Variants in SIN3A observed in about 807,000 individuals in gnomAD.
SIN3A encodes the protein SIN3 transcription regulator family member A, also known as paired amphipathic helix protein Sin3a.
In SIN3A, 14 loss-of-function variants were observed where a neutral mutation model predicts 146.1. The ratio of observed to expected loss-of-function variants is 0.10; its 90% CI spans 0.06 to 0.15. The LOEUF is 0.15. SIN3A is among the 10% of genes least tolerant of loss of function. The probability of loss-of-function intolerance (pLI) is 1.00; values close to 1 mark genes in which losing one functional copy is unlikely to be tolerated. For missense variants in SIN3A, 1,028 were observed against 1,576.0 expected (o/e 0.65, Z 5.89); for synonymous variants, 572 against 572.0 (o/e 1.00, Z 0.00).
intron 17 of SIN3A, among the ~76,000 whole-genome samples, chr15:75,383,106 C>CG (rs984942846): frequency 2.0e-5 from 3 of 148,476 alleles, no homozygotes; most frequent in South Asian, 2.1e-4. Flanking sequence ...GCCTCCATCT[C>CG]GGGAAAAAAA....
In SIN3A at chr15:75,371,422, A is replaced by G. The variant is rs1181168244; in HGVS notation, c.*557T>C. ...CCACAAGATGATCAATCCCAAAGCCAAACTGCAGGTCCCAGATAAAACCTA... is the reference window on the plus strand; with the variant it reads ...CCACAAGATGATCAATCCCAAAGCCGAACTGCAGGTCCCAGATAAAACCTA... On this transcript the variant is annotated 3_prime_UTR_variant, in exon 21 of 21. Transcript: ENST00000394947. 1 of 152,390 alleles carries G rather than the reference A, an allele frequency of 6.6e-6. No individual in the cohort carries two copies. Among genetic ancestry groups the G allele is most frequent in the East Asian group, 1.9e-4 (1 of 5,204 alleles). 9.4% of individuals were successfully genotyped at this position (152,390 alleles called of 1,614,324 possible).
At chr15:75,406,891 T>C (rs918762200) in intron 9 of SIN3A, among the ~76,000 whole-genome samples, 164 bp downstream of exon 9, 1 of 152,240 alleles carries the variant, frequency 6.6e-6, no homozygotes, top group Non-Finnish European at 1.5e-5. Flanking sequence ...CTAGCTATGC[T>C]AATAGTACTA....
chr15:75,452,415 C>A (rs2074425582), upstream of SIN3A, among the ~76,000 whole-genome samples: 1 of 152,188 alleles, frequency 6.6e-6, no homozygotes, highest in Non-Finnish European at 1.5e-5. Context: ...GAAAGGCAGC[C>A]CACCATGGAG....
chr15:75,408,058 CTT>C, intron 8 of SIN3A, among the ~76,000 whole-genome samples: 1 of 152,200 alleles, frequency 6.6e-6, no homozygotes, highest in East Asian at 1.9e-4. Context: ...AATGCACAAA[CTT>C]TGTGAGAAGT....
chr15:75,430,213 G>C lies in SIN3A; in HGVS notation c.163C>G (p.Gln55Glu). Reference sequence around the variant, plus strand: ...TGGTAGCTGGGTGTTACAGAGTACTGAATTCCCGTAGCTGACTGCATGGTC... The same window carrying C: ...TGGTAGCTGGGTGTTACAGAGTACTCAATTCCCGTAGCTGACTGCATGGTC... Reference protein sequence around the residue: ...SETMQSATGIQYSVTPSYQVS... With the variant: ...SETMQSATGIEYSVTPSYQVS... The change falls in exon 2 of 21, where the codon CAG (glutamine) becomes GAG (glutamate). Residue 55 changes from glutamine to glutamate, a missense_variant. Coordinates refer to ENST00000394947, the MANE Select transcript of SIN3A (RefSeq NM_001145358.2). 1 of 1,614,146 alleles carries C rather than the reference G, an allele frequency of 6.2e-7. No homozygotes were observed. Among genetic ancestry groups the C allele is most frequent in the Non-Finnish European group, 8.5e-7 (1 of 1,180,008 alleles).
intron 9 of SIN3A, among the ~76,000 whole-genome samples, chr15:75,402,410 G>A (rs1376856573): frequency 6.6e-6 from 1 of 151,742 alleles, no homozygotes. Context: ...TACTTGGGTG[G>A]CTGAGTGAAA....
At chr15:75,384,843 G>A (rs924401512) in intron 16 of SIN3A, among the ~76,000 whole-genome samples, 3 of 152,126 alleles carry the variant, frequency 2.0e-5, no homozygotes, top group African/African-American at 7.2e-5. Flanking sequence ...CCCTGGGAAG[G>A]CAAGCTAGAC....
At chr15:75,451,034 A>T (rs1595936640) in intron 1 of SIN3A, among the ~76,000 whole-genome samples, 2 of 99,396 alleles carry the variant, frequency 2.0e-5, no homozygotes, top group Non-Finnish European at 4.1e-5. Context: ...CCCCTCCCCG[A>T]CCCCAGCAGG....
chr15:75,395,151 T>G (rs1474384436), intron 13 of SIN3A, among the ~76,000 whole-genome samples: 6 of 152,124 alleles, frequency 3.9e-5, no homozygotes, highest in Admixed American at 3.9e-4. Flanking sequence ...GTATAAGTAT[T>G]CCTTGAAAAA....
chr15:75,372,726 T>C (rs2072775555), intron 20 of SIN3A, among the ~76,000 whole-genome samples: 1 of 141,696 alleles, frequency 7.1e-6, no homozygotes, highest in South Asian at 2.2e-4. Context: ...TAGGCTGAAG[T>C]GGGAGGATCG....
intron 2 of SIN3A, among the ~76,000 whole-genome samples, chr15:75,423,989 T>C (rs2073882957): frequency 6.6e-6 from 1 of 151,656 alleles, no homozygotes; most frequent in African/African-American, 2.4e-5. Context: ...AGCAAGACTC[T>C]GTCTCCAAAA....
chr15:75,387,795 G>A (rs1255874295), intron 16 of SIN3A, among the ~76,000 whole-genome samples: 2 of 152,074 alleles, frequency 1.3e-5, no homozygotes, highest in East Asian at 1.9e-4. Context: ...AGGGTAACTG[G>A]AGTCTGTATT....
At chr15:75,377,009 T>A (rs1398985975) in intron 19 of SIN3A, among the ~76,000 whole-genome samples, 1 of 152,160 alleles carries the variant, frequency 6.6e-6, no homozygotes, top group Non-Finnish European at 1.5e-5. Flanking sequence ...ACTATTCTCA[T>A]AATAATACTA....
At chr15:75,395,328 CAAA>C in intron 13 of SIN3A, among the ~76,000 whole-genome samples, 1 of 151,378 alleles carries the variant, frequency 6.6e-6, no homozygotes, top group East Asian at 1.9e-4. Context: ...CAGACTAAGA[CAAA>C]AAAAAGCACT....
At chr15:75,382,820 T>C (rs145773456) in intron 17 of SIN3A, among the ~76,000 whole-genome samples, 1,573 of 151,866 alleles carry the variant, frequency 0.01, 33 homozygotes, top group African/African-American at 0.036. Flanking sequence ...CAGTGGCTCA[T>C]GCCTGTAATC....
intron 1 of SIN3A, among the ~76,000 whole-genome samples, chr15:75,440,032 T>A (rs2074177015): frequency 6.6e-6 from 1 of 150,870 alleles, no homozygotes; most frequent in Admixed American, 6.6e-5. Context: ...GCGCCTGTAA[T>A]CCCAGCAACT....
At chr15:75,454,136 G>GC (rs1473123482), upstream of SIN3A, among the ~76,000 whole-genome samples, 2 of 150,768 alleles carry the variant, frequency 1.3e-5, no homozygotes, top group Non-Finnish European at 2.9e-5. Flanking sequence ...CACGTCATCC[G>GC]CAAGAACCGT....
chr15:75,421,316 T>C (rs2073837125), intron 3 of SIN3A: 1 of 152,150 alleles, frequency 6.6e-6, no homozygotes, highest in African/African-American at 2.4e-5. Flanking sequence ...GAAACATCAA[T>C]ATTCCTTATA....
At chr15:75,413,673 A>T (rs902841590) in intron 4 of SIN3A, among the ~76,000 whole-genome samples, 1 of 151,812 alleles carries the variant, frequency 6.6e-6, no homozygotes, top group Non-Finnish European at 1.5e-5. Context: ...CCTCCCAAGT[A>T]GCTGGGATTA....
Sources: gnomAD v4.1 joint callset for allele counts (sites outside exome capture counted in the v4.1 genomes callset) on GRCh38, gnomAD v4.1.1 for gene constraint, MANE v1.5 for transcripts, NCBI Gene and HGNC (gene_info 2026-07-23, HGNC 2026-07-21) for gene names.